CD5: variants seen among roughly 807,000 people sequenced by gnomAD.
CD5 encodes the protein CD5 molecule.
CD5 carries 36 observed loss-of-function variants against 60.3 expected under a neutral mutation model. That is an observed-to-expected ratio of 0.60 (90% CI 0.46 to 0.79). CD5 has a LOEUF of 0.79. CD5 is among the 30% of genes least tolerant of loss of function. The pLI is 0.00. For missense variants in CD5, 540 were observed against 630.6 expected, an observed-to-expected ratio of 0.86 and a Z score of 1.54; for synonymous variants, 230 against 257.6, an observed-to-expected ratio of 0.89 and a Z score of 1.03.
chr11:61,121,282 G>A (rs532662152), intron 5 of CD5, among the ~76,000 whole-genome samples: 2 of 152,330 alleles, frequency 1.3e-5, no homozygotes, highest in African/African-American at 4.8e-5. Flanking sequence ...TATTTCCCAC[G>A]CTCTTCTCTT....
rs1861000367 is a variant in CD5 at position 61,118,580 on chromosome 11, A to C, written c.400+100A>C. ...TCTAGGGTCTGAGCAGGCTGGTGGA[A>C]GGGGTGGGGGGACCCCAGTTTATAA... On this transcript the variant is annotated intron_variant, in intron 3 of 10. Transcript: ENST00000347785. This position sits in a 1 kb window ranked among gnomAD's most constrained non-coding sequence, Gnocchi z 4.7. 7.8e-7 allele frequency: 1 copy of C among 1,278,010 alleles called. No individual in the cohort carries two copies. The highest frequency in any genetic ancestry group is 1.5e-5 in the African/African-American group (1 of 67,610). The allele number at this position is 1,278,010 out of a possible 1,614,324, so 79.2% of individuals were successfully genotyped here. A position where few individuals can be genotyped will look rare whatever the true frequency, so the allele number is the denominator to read the frequency against.
upstream of CD5, among the ~76,000 whole-genome samples, chr11:61,101,572 C>A (rs1271270064): frequency 6.6e-6 from 1 of 151,170 alleles, no homozygotes; most frequent in Non-Finnish European, 1.5e-5. Flanking sequence ...ATCATACACA[C>A]ACATCAACAT....
chr11:61,124,632 C>T (rs1320487474), intron 8 of CD5, among the ~76,000 whole-genome samples: 1 of 152,108 alleles, frequency 6.6e-6, no homozygotes, highest in Non-Finnish European at 1.5e-5. Context: ...CCAAATCCTT[C>T]AAGAGGGCTC....
chr11:61,124,154 G>A (rs115192906), intron 8 of CD5, among the ~76,000 whole-genome samples: 2,081 of 152,120 alleles, frequency 0.014, 53 homozygotes, highest in African/African-American at 0.047. Flanking sequence ...GGTTTCTACC[G>A]CTGAAGCCTC....
At chr11:61,123,832 C>CCCCCCCCCCCA in intron 7 of CD5, 52 bp from the exon 8 acceptor site, 1 of 1,036,664 alleles carries the variant, frequency 9.6e-7, no homozygotes, top group Non-Finnish European at 1.5e-6. Context: ...TGCCTGCCCC[C>CCCCCCCCCCCA]ACCCATACCT....
intron 7 of CD5, among the ~76,000 whole-genome samples, chr11:61,123,250 TC>T (rs1861096159): frequency 6.6e-6 from 1 of 152,136 alleles, no homozygotes; most frequent in Non-Finnish European, 1.5e-5. Context: ...GATTTGTCCA[TC>T]TCTGGAGCCC....
At chr11:61,095,690 G>A in the CD5 span, among the ~76,000 whole-genome samples, 4 of 152,166 alleles carry the variant, frequency 2.6e-5, no homozygotes, top group African/African-American at 9.7e-5. Flanking sequence ...ACATGGAGAG[G>A]CTAAGACGGT....
intron 9 of CD5, 130 bp downstream of exon 9, chr11:61,125,281 T>A: frequency 1.0e-6 from 1 of 998,826 alleles, no homozygotes; most frequent in Non-Finnish European, 1.5e-6. Context: ...TGCAAGGGGA[T>A]CAAACATCGC....
Position 61,118,276 on chromosome 11 carries a change from C to T in CD5, c.196C>T (p.Arg66Trp), listed in dbSNP as rs759127306. 2.5e-6 allele frequency: 4 copies of T among 1,614,238 alleles called. No individual in the cohort carries two copies. The highest frequency in any genetic ancestry group is 4.5e-5 in the East Asian group (2 of 44,880). The change falls in exon 3 of 11, where the codon CGG becomes TGG. Residue 66 changes from arginine to tryptophan, a missense_variant. Coordinates refer to ENST00000347785, the MANE Select transcript of CD5 (RefSeq NM_014207.4). This position sits in a 1 kb window ranked among gnomAD's most constrained non-coding sequence, Gnocchi z 4.7. Reference protein sequence around the residue: ...WHMVCSQSWGRSSKQWEDPSQ... With the variant: ...WHMVCSQSWGWSSKQWEDPSQ... The stretch of plus-strand genomic sequence containing the variant: ...CATGGTTTGCAGCCAGAGCTGGGGC[C>T]GGAGCTCCAAGCAGTGGGAGGACCC...
In CD5 at chr11:61,127,363, A is replaced by AACACATCCTAAG. The variant is rs57803016; in HGVS notation, c.*1082_*1093dup. On this transcript the variant is annotated 3_prime_UTR_variant, in exon 11 of 11. Transcript: ENST00000347785. ...CCCTAAGAAGGTGAAGCAACATGGG[A>AACACATCCTAAG]ACACATCCTAAGACAGGTCCTTTCT... 0.57 allele frequency: 85,714 copies of AACACATCCTAAG among 151,694 alleles called. 25,058 individuals carry two copies. The highest frequency in any genetic ancestry group is 0.99 in the East Asian group (5,067 of 5,118). 9.4% of individuals were successfully genotyped at this position (151,694 alleles called of 1,614,324 possible). A position where few individuals can be genotyped will look rare whatever the true frequency, so the allele number is the denominator to read the frequency against.
At position 61,118,313 on chromosome 11, in the gene CD5, CA is replaced by C; in HGVS notation, c.237del (p.Val80SerfsTer5). 6.2e-7 allele frequency: 1 copy of C among 1,614,274 alleles called. No homozygotes were observed. Among genetic ancestry groups the C allele is most frequent in the African/African-American group, 1.3e-5 (1 of 75,068 alleles). ...SKQWEDPSQA[S>X]KVCQRLNCGV... ...CAGTGGGAGGACCCCAGTCAAGCGTCAAAAGTCTGCCAGCGGCTGAACTGTG... is the reference window on the plus strand; with the variant it reads ...CAGTGGGAGGACCCCAGTCAAGCGTCAAAGTCTGCCAGCGGCTGAACTGTG... On this transcript the variant is annotated frameshift_variant, in exon 3 of 11. Transcript: ENST00000347785. LOFTEE classifies it high-confidence loss of function. This position sits in a 1 kb window ranked among gnomAD's most constrained non-coding sequence, Gnocchi z 4.7.
intron 1 of CD5, among the ~76,000 whole-genome samples, chr11:61,102,993 C>T (rs1860722831): frequency 6.6e-6 from 1 of 152,254 alleles, no homozygotes; most frequent in African/African-American, 2.4e-5. Context: ...ACTGACAGCC[C>T]AGCCTTTACT....
chr11:61,108,744 G>C (rs60054433), intron 1 of CD5, among the ~76,000 whole-genome samples: 5,850 of 152,202 alleles, frequency 0.038, 371 homozygotes, highest in African/African-American at 0.13. Context: ...CACTGTTTAC[G>C]GGAAAAAGGG....
chr11:61,100,437 A>ATT (rs1860652715), upstream of CD5, among the ~76,000 whole-genome samples: 1 of 149,412 alleles, frequency 6.7e-6, no homozygotes, highest in African/African-American at 2.5e-5. Flanking sequence ...TGGAGATCAC[A>ATT]CACACACAAC....
chr11:61,124,114 G>A (rs1040931991), intron 8 of CD5, among the ~76,000 whole-genome samples, 177 bp downstream of exon 8: 6 of 152,270 alleles, frequency 3.9e-5, no homozygotes, highest in Admixed American at 6.5e-5. Flanking sequence ...CAGGGAGGGC[G>A]GAGGCTTCTT....
chr11:61,095,600 C>A, the CD5 span, among the ~76,000 whole-genome samples: 2 of 152,064 alleles, frequency 1.3e-5, no homozygotes, highest in Non-Finnish European at 2.9e-5. Flanking sequence ...ACGTCCCAGC[C>A]AATTACCAAA....
chr11:61,096,398 C>T, the CD5 span, among the ~76,000 whole-genome samples: 5 of 152,212 alleles, frequency 3.3e-5, no homozygotes, highest in Admixed American at 2.0e-4. Context: ...GGGGCAAGGA[C>T]GTTAAGTTTT....
At chr11:61,115,379 G>A (rs996502278) in intron 2 of CD5, among the ~76,000 whole-genome samples, 5 of 152,170 alleles carry the variant, frequency 3.3e-5, no homozygotes, top group Admixed American at 6.5e-5. Flanking sequence ...AGACATCCCA[G>A]CTCATAAATG....
At chr11:61,109,191 A>C (rs1691268928) in intron 1 of CD5, among the ~76,000 whole-genome samples, 1 of 152,248 alleles carries the variant, frequency 6.6e-6, no homozygotes, top group Admixed American at 6.5e-5. Flanking sequence ...TCCAAAGCCC[A>C]AAAAACATTT....
Sources: gnomAD v4.1 joint callset for allele counts (sites outside exome capture counted in the v4.1 genomes callset) on GRCh38, gnomAD v4.1.1 for gene constraint, Gnocchi (gnomAD v3.1) non-coding constraint, MANE v1.5 for transcripts, NCBI Gene and HGNC (gene_info 2026-07-23, HGNC 2026-07-21) for gene names.